GUCY1A2: variants seen among roughly 807,000 people sequenced by gnomAD.
The protein encoded by GUCY1A2 is guanylate cyclase 1 soluble subunit alpha 2, also known as guanylate cyclase soluble subunit alpha-2.
GUCY1A2 carries 27 observed loss-of-function variants against 63.5 expected under a neutral mutation model. The ratio of observed to expected loss-of-function variants is 0.43; its 90% CI spans 0.31 to 0.59. The LOEUF (loss-of-function observed/expected upper bound fraction) is 0.59. GUCY1A2 is among the 20% of genes least tolerant of loss of function. The pLI, the probability that GUCY1A2 is intolerant of heterozygous loss-of-function variation, is 0.11. For missense variants in GUCY1A2, 768 were observed against 913.3 expected (o/e 0.84, Z 2.05); for synonymous variants, 364 against 343.5 (o/e 1.06, Z -0.66).
rs76974636 is a variant in GUCY1A2 at position 106,809,285 on chromosome 11, C to T, written c.1692+708G>A. Among the ~76,000 whole-genome samples, 1,176 of 152,156 alleles carry T rather than the reference C, an allele frequency of 7.7e-3. 78 individuals are homozygous for T. The East Asian group carries it at 0.15, about 19-fold the overall frequency. ...CTATGCCCTGACATTGTGCAATCTA[C>T]GTAAGATTCTAGGTAAAGTTGTAGA... On this transcript the variant is annotated intron_variant, in intron 5 of 7. Transcript: ENST00000526355.
At chr11:107,000,457 G>A (rs1330929365) in intron 1 of GUCY1A2, among the ~76,000 whole-genome samples, 2 of 152,148 alleles carry the variant, frequency 1.3e-5, no homozygotes, top group South Asian at 2.1e-4. Flanking sequence ...CTACAACAAT[G>A]CCTTTGGAGG....
intron 4 of GUCY1A2, among the ~76,000 whole-genome samples, chr11:106,829,317 G>A (rs1312596810): frequency 6.6e-6 from 1 of 152,110 alleles, no homozygotes; most frequent in Non-Finnish European, 1.5e-5. Context: ...GCCCTGATTG[G>A]GGCCTGTCTC....
At chr11:106,768,847 C>T (rs11211901) in intron 6 of GUCY1A2, among the ~76,000 whole-genome samples, 46,021 of 151,822 alleles carry the variant, frequency 0.3, 7,199 homozygotes, top group East Asian at 0.48. Flanking sequence ...CAGCCAGGGC[C>T]AAGAGAACAT....
At chr11:106,978,862 G>A in intron 2 of GUCY1A2, 122 bp from the exon 3 acceptor site, 1 of 629,966 alleles carries the variant, frequency 1.6e-6, no homozygotes, top group Non-Finnish European at 2.7e-6. Context: ...TTTAAAATAA[G>A]TGAAGCTTTG....
At chr11:106,731,366 G>A (rs965237305) in intron 6 of GUCY1A2, among the ~76,000 whole-genome samples, 1 of 152,102 alleles carries the variant, frequency 6.6e-6, no homozygotes, top group Non-Finnish European at 1.5e-5. Flanking sequence ...CAACAAGCTA[G>A]GCATTGAATG....
intron 1 of GUCY1A2, among the ~76,000 whole-genome samples, chr11:107,010,359 AC>A (rs970807753): frequency 6.6e-6 from 1 of 152,166 alleles, no homozygotes. Context: ...TTGTTGACAA[AC>A]ATTTCTTCTC....
At chr11:107,007,831 T>C (rs2120199631) in intron 1 of GUCY1A2, among the ~76,000 whole-genome samples, 1 of 152,322 alleles carries the variant, frequency 6.6e-6, no homozygotes, top group African/African-American at 2.4e-5. Flanking sequence ...CAGGATTTCT[T>C]ACATACTAAA....
At position 106,916,366 on chromosome 11, in the gene GUCY1A2, ACTCT is replaced by A. The variant is rs935264577; in HGVS notation, c.1206+23090_1206+23093del. 1.7e-4 allele frequency among the ~76,000 whole-genome samples: 24 copies of A among 145,204 alleles called. 2 individuals are homozygous for A. Among genetic ancestry groups the A allele is most frequent in the Admixed American group, 1.2e-3 (18 of 14,540 alleles). The stretch of plus-strand genomic sequence containing the variant: ...GTAAAACAAATGTTATAAATTACTG[ACTCT>A]CTCTAATCCACATTGATAAAATCAT... On this transcript the variant is annotated intron_variant, in intron 4 of 7. Coordinates refer to ENST00000526355, the MANE Select transcript of GUCY1A2 (RefSeq NM_000855.3).
chr11:106,859,529 G>A (rs957914086), intron 4 of GUCY1A2, among the ~76,000 whole-genome samples: 3 of 151,838 alleles, frequency 2.0e-5, no homozygotes, highest in Non-Finnish European at 4.4e-5. Flanking sequence ...TTATGCAAAA[G>A]GCATGATCAA....
At chr11:106,743,973 C>G (rs1263518991) in intron 6 of GUCY1A2, among the ~76,000 whole-genome samples, 1 of 152,116 alleles carries the variant, frequency 6.6e-6, no homozygotes, top group East Asian at 1.9e-4. Context: ...TAAGAATCCA[C>G]CCCATTTTTA....
At chr11:106,909,656 A>T (rs1282732791) in intron 4 of GUCY1A2, among the ~76,000 whole-genome samples, 1 of 151,930 alleles carries the variant, frequency 6.6e-6, no homozygotes, top group Non-Finnish European at 1.5e-5. Flanking sequence ...AATTCTCTAC[A>T]GATGAATCCA....
intron 4 of GUCY1A2, among the ~76,000 whole-genome samples, chr11:106,841,905 G>A (rs1859204077): frequency 6.6e-6 from 1 of 151,582 alleles, no homozygotes; most frequent in Non-Finnish European, 1.5e-5. Context: ...TATTTATCAT[G>A]TTAGATATTC....
chr11:106,757,324 T>C (rs1047616428), intron 6 of GUCY1A2, among the ~76,000 whole-genome samples: 1 of 152,162 alleles, frequency 6.6e-6, no homozygotes, highest in African/African-American at 2.4e-5. Flanking sequence ...AAGTTTGTTA[T>C]TACCCACCTT....
chr11:106,887,786 A>G (rs1859918971), intron 4 of GUCY1A2, among the ~76,000 whole-genome samples: 1 of 152,230 alleles, frequency 6.6e-6, no homozygotes, highest in South Asian at 2.1e-4. Flanking sequence ...CTTAGGTTAA[A>G]TGACCGGCAT....
chr11:106,994,100 G>A (rs17106297), intron 1 of GUCY1A2, among the ~76,000 whole-genome samples: 2,839 of 152,206 alleles, frequency 0.019, 88 homozygotes, highest in African/African-American at 0.065. Context: ...CCTCATTAGA[G>A]CTTGGGGTAA....
At chr11:106,706,318 A>G (rs182951145) in intron 7 of GUCY1A2, among the ~76,000 whole-genome samples, 1 of 152,152 alleles carries the variant, frequency 6.6e-6, no homozygotes, top group East Asian at 1.9e-4. Context: ...CTAAGAATCT[A>G]CCCACCTGTC....
At chr11:106,770,618 A>G (rs1382916612) in intron 6 of GUCY1A2, among the ~76,000 whole-genome samples, 1 of 151,964 alleles carries the variant, frequency 6.6e-6, no homozygotes, top group Non-Finnish European at 1.5e-5. Context: ...TAATTATTGC[A>G]TAATCTCAAA....
chr11:106,843,466 T>C (rs1859228259), intron 4 of GUCY1A2, among the ~76,000 whole-genome samples: 1 of 151,832 alleles, frequency 6.6e-6, no homozygotes, highest in African/African-American at 2.4e-5. Flanking sequence ...CACAGAAATA[T>C]ACCTGTAGAG....
chr11:106,710,731 C>G (rs1863102475), intron 6 of GUCY1A2, among the ~76,000 whole-genome samples: 1 of 151,914 alleles, frequency 6.6e-6, no homozygotes, highest in Admixed American at 6.6e-5. Context: ...TATACTGACA[C>G]AGTCTACACC....
Sources: gnomAD v4.1 joint callset for allele counts (sites outside exome capture counted in the v4.1 genomes callset) on GRCh38, gnomAD v4.1.1 for gene constraint, MANE v1.5 for transcripts, NCBI Gene and HGNC (gene_info 2026-07-23, HGNC 2026-07-21) for gene names.